Variants in RFPL1 observed in about 807,000 individuals in gnomAD.
RFPL1 encodes ret finger protein-like 1.
RFPL1 carries 6 observed loss-of-function variants against 9.6 expected under a neutral mutation model. The observed-to-expected ratio is 0.62, with a 90% CI of 0.34 to 1.23. RFPL1 has a LOEUF of 1.23. Among genes scored for constraint, RFPL1 ranks in the 50% most tolerant of loss-of-function variants. The pLI is 0.03. For synonymous variants in RFPL1, 145 were observed against 149.4 expected (o/e 0.97, Z 0.22); for missense variants, 352 against 398.4 (o/e 0.88, Z 0.99).
chr22:29,439,171 G>A lies in RFPL1; in HGVS notation c.373+7G>A. On this transcript the variant is annotated splice_region_variant and intron_variant, in intron 1 of 1. Coordinates refer to ENST00000354373, the Ensembl canonical transcript of RFPL1. ...AGGATGCGGAAGTTCCAAGGTGAGG[G>A]ATCTGTATACACTGCCCCCTTCCTA... 6.2e-7 allele frequency: 1 copy of A among 1,613,120 alleles called. No individual in the cohort carries two copies. Among genetic ancestry groups the A allele is most frequent in the Middle Eastern group, 1.7e-4 (1 of 6,060 alleles).
Position 29,438,916 on chromosome 22 carries a change from T to C in RFPL1, c.125T>C (p.Val42Ala), listed in dbSNP as rs1295876302. 2.5e-6 allele frequency: 4 copies of C among 1,613,874 alleles called. No homozygotes were observed. Among genetic ancestry groups the C allele is most frequent in the Non-Finnish European group, 3.4e-6 (4 of 1,179,876 alleles). The stretch of plus-strand genomic sequence containing the variant: ...TTCCAAGAAGCAAGCAGCTGTCCCG[T>C]CTGCTCAGACTATCTAGAGAAACCA... Residue 42 changes from valine (V) to alanine (A), a missense_variant, in exon 1 of 2, where the codon GTC becomes GCC. Coordinates refer to ENST00000354373, the Ensembl canonical transcript of RFPL1.
upstream of RFPL1, chr22:29,437,808 A>G (rs2062815858): frequency 2.2e-6 from 3 of 1,381,098 alleles, no homozygotes; most frequent in Non-Finnish European, 2.9e-6. Flanking sequence ...GATGAATGAG[A>G]GAAATTCGTA....
Position 29,441,864 on chromosome 22 carries a change from G to T in RFPL1, c.696G>T (p.Pro232=), listed in dbSNP as rs774066923. The stretch of plus-strand genomic sequence containing the variant: ...GCCGCCTCTCTGCCAGCACGGTGCC[G>T]CTGACTTTCCTCTTCGTAGACCGCA... The change falls in exon 2 of 2, where the codon CCG becomes CCT. Residue 232 remains proline, a synonymous_variant. Transcript: ENST00000354373. 10 of 1,613,596 alleles carry T rather than the reference G, an allele frequency of 6.2e-6. No homozygotes were observed. The South Asian group carries it at 7.7e-5, about 12-fold the overall frequency.
chr22:29,403,392 C>T, the RFPL1 span, among the ~76,000 whole-genome samples: 1 of 152,114 alleles, frequency 6.6e-6, no homozygotes, highest in African/African-American at 2.4e-5. Flanking sequence ...AGAATATGGA[C>T]TTTAGTTGAG....
At position 29,442,145 on chromosome 22, in the gene RFPL1, A is replaced by G. The variant is rs750953768; in HGVS notation, c.*23A>G. 5 of 1,499,230 alleles carry G rather than the reference A, an allele frequency of 3.3e-6. No individual in the cohort carries two copies. The Admixed American group carries it at 9.0e-5, about 27-fold the overall frequency. 92.9% of individuals were successfully genotyped at this position (1,499,230 alleles called of 1,614,324 possible). A position where few individuals can be genotyped will look rare whatever the true frequency, so the allele number is the denominator to read the frequency against. ...TAAGCCCCCACTGCAAAAAAACAAA[A>G]AACAGGTTAAGAAAATTACTTGGGT... On this transcript the variant is annotated 3_prime_UTR_variant, in exon 2 of 2. Transcript: ENST00000354373.
chr22:29,394,101 G>T, the RFPL1 span, among the ~76,000 whole-genome samples: 3 of 152,148 alleles, frequency 2.0e-5, no homozygotes, highest in African/African-American at 7.2e-5. Flanking sequence ...GTGCCCCTGT[G>T]CCCAGCCAGG....
chr22:29,419,076 A>G, the RFPL1 span: 2 of 768,310 alleles, frequency 2.6e-6, no homozygotes, highest in South Asian at 1.5e-5. Context: ...ACCCTAAAGG[A>G]GAGACTGAAG....
the RFPL1 span, among the ~76,000 whole-genome samples, chr22:29,415,526 G>C: frequency 6.6e-6 from 1 of 152,264 alleles, no homozygotes; most frequent in African/African-American, 2.4e-5. Flanking sequence ...GGAGTCCCCT[G>C]CAGGGATGCT....
upstream of RFPL1, among the ~76,000 whole-genome samples, chr22:29,435,562 CA>C (rs2062804689): frequency 6.6e-6 from 1 of 152,106 alleles, no homozygotes; most frequent in South Asian, 2.1e-4. Flanking sequence ...TGACCGGATC[CA>C]ATTCATTCCA....
the RFPL1 span, among the ~76,000 whole-genome samples, chr22:29,393,872 C>T: frequency 3.3e-5 from 5 of 152,174 alleles, no homozygotes; most frequent in Non-Finnish European, 7.3e-5. Flanking sequence ...GATGGGGTTT[C>T]ACCATGTTGG....
chr22:29,441,809 G>A, exon 2 of RFPL1: 1 of 1,613,984 alleles, frequency 6.2e-7, no homozygotes, highest in Non-Finnish European at 8.5e-7. Flanking sequence ...ACAGAGCGTG[G>A]ATTCTGGACT....
the RFPL1 span, among the ~76,000 whole-genome samples, chr22:29,398,499 C>A: frequency 1.3e-5 from 2 of 152,184 alleles, no homozygotes; most frequent in Non-Finnish European, 2.9e-5. Context: ...AATCCTCGTG[C>A]AGTTGGAAAG....
the RFPL1 span, among the ~76,000 whole-genome samples, chr22:29,419,434 G>T: frequency 1.3e-5 from 2 of 152,038 alleles, no homozygotes; most frequent in South Asian, 4.2e-4. Context: ...AGGGATGACT[G>T]TTAGGACAGG....
chr22:29,437,754 T>G, upstream of RFPL1: 1 of 1,572,788 alleles, frequency 6.4e-7, no homozygotes, highest in Non-Finnish European at 8.6e-7. Context: ...TGTGTGTGTG[T>G]TTTTCCTCCT....
At chr22:29,422,116 C>A in the RFPL1 span, among the ~76,000 whole-genome samples, 2 of 152,300 alleles carry the variant, frequency 1.3e-5, no homozygotes, top group East Asian at 3.9e-4. Context: ...ACGACAACAT[C>A]CTCCATTTCC....
the RFPL1 span, among the ~76,000 whole-genome samples, chr22:29,405,953 C>T: frequency 1.3e-5 from 2 of 149,136 alleles, no homozygotes; most frequent in Non-Finnish European, 3.0e-5. Flanking sequence ...ACTAAAAATA[C>T]AAAAAATTAG....
the RFPL1 span, among the ~76,000 whole-genome samples, chr22:29,418,025 G>A: frequency 6.7e-6 from 1 of 148,928 alleles, no homozygotes; most frequent in African/African-American, 2.5e-5. Context: ...TCTGCCTCCT[G>A]GGTTCCAGCA....
At chr22:29,418,890 T>C in the RFPL1 span, among the ~76,000 whole-genome samples, 1 of 152,178 alleles carries the variant, frequency 6.6e-6, no homozygotes, top group Non-Finnish European at 1.5e-5. Flanking sequence ...TCTGAGAGGG[T>C]TCATGCCACA....
chr22:29,437,869 C>T, upstream of RFPL1: 1 of 771,432 alleles, frequency 1.3e-6, no homozygotes. Flanking sequence ...AGTTGAAAAC[C>T]AGTCACCCTG....
Sources: gnomAD v4.1 joint callset for allele counts (sites outside exome capture counted in the v4.1 genomes callset) on GRCh38, gnomAD v4.1.1 for gene constraint, MANE v1.5 for transcripts, NCBI Gene and HGNC (gene_info 2026-07-23, HGNC 2026-07-21) for gene names.